Variants in SPATA16 observed in about 807,000 individuals in gnomAD.
The protein encoded by SPATA16 is spermatogenesis associated 16.
In SPATA16, 36 loss-of-function variants were observed where a neutral mutation model predicts 63.3. The ratio of observed to expected loss-of-function variants is 0.57; its 90% confidence interval spans 0.44 to 0.75. The LOEUF (loss-of-function observed/expected upper bound fraction) is 0.75. SPATA16 is among the 30% of genes least tolerant of loss of function. SPATA16 has a pLI of 0.00. For missense variants in SPATA16, 646 were observed against 679.3 expected (o/e 0.95, Z 0.54); for synonymous variants, 203 against 216.7 (o/e 0.94, Z 0.56).
At chr3:173,054,048 G>A (rs892538339) in intron 2 of SPATA16, among the ~76,000 whole-genome samples, 3 of 151,558 alleles carry the variant, frequency 2.0e-5, no homozygotes, top group African/African-American at 7.3e-5. Context: ...CATATGCTCT[G>A]CTTTTTTAAA....
chr3:173,052,027 T>C (rs1736112144), intron 2 of SPATA16, among the ~76,000 whole-genome samples: 1 of 152,102 alleles, frequency 6.6e-6, no homozygotes, highest in African/African-American at 2.4e-5. Flanking sequence ...GCCAGTCTGG[T>C]CTTGAACTCC....
intron 4 of SPATA16, among the ~76,000 whole-genome samples, chr3:173,015,861 GGTGT>G (rs57049586): frequency 0.013 from 1,927 of 148,194 alleles, 29 homozygotes; most frequent in African/African-American, 0.036. Context: ...TCCCAAATGG[GGTGT>G]GTGTGTGTGT....
intron 10 of SPATA16, among the ~76,000 whole-genome samples, chr3:172,903,379 T>C (rs186409515): frequency 6.6e-6 from 1 of 152,336 alleles, no homozygotes; most frequent in East Asian, 1.9e-4. Context: ...GCATTTCCAA[T>C]TTCTGTTTTA....
intron 2 of SPATA16, among the ~76,000 whole-genome samples, chr3:173,059,620 C>T (rs1736327352): frequency 6.6e-6 from 1 of 151,812 alleles, no homozygotes; most frequent in South Asian, 2.1e-4. Context: ...TTCTTAGTTA[C>T]TTGTAAGATT....
intron 6 of SPATA16, among the ~76,000 whole-genome samples, chr3:172,926,440 A>G (rs1732739344): frequency 1.3e-5 from 2 of 152,180 alleles, no homozygotes; most frequent in Non-Finnish European, 2.9e-5. Flanking sequence ...TGTTCTTTGA[A>G]TTCCACATAA....
chr3:173,107,138 A>G (rs1227503965), intron 2 of SPATA16, among the ~76,000 whole-genome samples: 1 of 152,124 alleles, frequency 6.6e-6, no homozygotes, highest in Non-Finnish European at 1.5e-5. Context: ...AAATTCCTTG[A>G]AAACCAAAGC....
intron 1 of SPATA16, among the ~76,000 whole-genome samples, chr3:173,133,387 T>C (rs1512747): frequency 0.4 from 61,172 of 151,976 alleles, 14,673 homozygotes; most frequent in African/African-American, 0.68. Context: ...TTTACCAATG[T>C]GGTGGTGGCC....
At chr3:172,900,079 T>C (rs1353953423) in intron 10 of SPATA16, among the ~76,000 whole-genome samples, 1 of 152,198 alleles carries the variant, frequency 6.6e-6, no homozygotes, top group Non-Finnish European at 1.5e-5. Flanking sequence ...TTCCTTTCTA[T>C]TCAGAAAACT....
chr3:172,974,749 T>G (rs531483624), intron 5 of SPATA16, among the ~76,000 whole-genome samples: 1 of 152,230 alleles, frequency 6.6e-6, no homozygotes, highest in Admixed American at 6.5e-5. Context: ...AGATTTTGGG[T>G]AAGATTTTAG....
intron 1 of SPATA16, among the ~76,000 whole-genome samples, chr3:173,132,073 CAA>C (rs34941238): frequency 0.32 from 48,206 of 151,564 alleles, 7,983 homozygotes; most frequent in African/African-American, 0.4. Context: ...ATATTTATGA[CAA>C]GAGAGTGAGA....
chr3:173,130,231 G>A (rs2108347050), intron 1 of SPATA16, among the ~76,000 whole-genome samples: 1 of 152,052 alleles, frequency 6.6e-6, no homozygotes, highest in African/African-American at 2.4e-5. Context: ...ATGGTGGCAT[G>A]TGCCTGTAGT....
chr3:173,070,951 TA>T (rs1197784273), intron 2 of SPATA16, among the ~76,000 whole-genome samples: 1 of 151,974 alleles, frequency 6.6e-6, no homozygotes, highest in Non-Finnish European at 1.5e-5. Flanking sequence ...AACAGAAATA[TA>T]AAAAACAATT....
chr3:172,978,120 GCTCTCTCTCTCTCTCTCCCT>G (rs1347865639), intron 4 of SPATA16, among the ~76,000 whole-genome samples: 4 of 145,514 alleles, frequency 2.7e-5, no homozygotes, highest in African/African-American at 1.0e-4. Context: ...GGATTATTCA[GCTCTCTCTCTCTCTCTCCCT>G]CTCTCTCTCT....
intron 5 of SPATA16, among the ~76,000 whole-genome samples, chr3:172,968,031 G>A (rs1733958773): frequency 6.6e-6 from 1 of 152,132 alleles, no homozygotes; most frequent in African/African-American, 2.4e-5. Flanking sequence ...CCGGTCCCTG[G>A]TACCAAAAAG....
intron 9 of SPATA16, among the ~76,000 whole-genome samples, chr3:172,915,225 A>G (rs553649408): frequency 6.6e-4 from 100 of 152,162 alleles, no homozygotes; most frequent in Non-Finnish European, 1.3e-3. Flanking sequence ...TGATTCATAG[A>G]CTTATTTCAT....
chr3:173,125,234 G>A (rs921318557), intron 1 of SPATA16, among the ~76,000 whole-genome samples: 3 of 151,922 alleles, frequency 2.0e-5, no homozygotes, highest in Non-Finnish European at 2.9e-5. Context: ...CCTACCATCC[G>A]TCATTTGGTC....
At chr3:173,018,923 T>C (rs60273107) in intron 4 of SPATA16, among the ~76,000 whole-genome samples, 2,621 of 152,294 alleles carry the variant, frequency 0.017, 69 homozygotes, top group African/African-American at 0.059. Context: ...GAGTGTAGCA[T>C]TGAGGCTGTT....
chr3:172,984,206 C>T (rs1222603006), intron 4 of SPATA16, among the ~76,000 whole-genome samples: 1 of 152,122 alleles, frequency 6.6e-6, no homozygotes. Context: ...CTAGTGGATA[C>T]CATCCTCAAT....
chr3:173,068,435 T>A (rs1560112750), intron 2 of SPATA16, among the ~76,000 whole-genome samples: 1 of 152,174 alleles, frequency 6.6e-6, no homozygotes, highest in Non-Finnish European at 1.5e-5. Context: ...CAGTTTAAAA[T>A]AATTGGTTAT....
Sources: gnomAD v4.1 joint callset for allele counts (sites outside exome capture counted in the v4.1 genomes callset) on GRCh38, gnomAD v4.1.1 for gene constraint, MANE v1.5 for transcripts, NCBI Gene and HGNC (gene_info 2026-07-23, HGNC 2026-07-21) for gene names.